RBFOX2: variants seen among roughly 807,000 people sequenced by gnomAD.
The protein encoded by RBFOX2 is RNA binding protein fox-1 homolog 2.
In RBFOX2, 10 loss-of-function variants were observed where a neutral mutation model predicts 49.1. That is an observed-to-expected ratio of 0.20 (90% CI 0.13 to 0.35). The LOEUF (loss-of-function observed/expected upper bound fraction) is 0.35, where lower values mean the gene tolerates loss of function less well. Among genes scored for constraint, RBFOX2 ranks in the 10% least tolerant of loss-of-function variants. RBFOX2 has a pLI of 1.00. For missense variants in RBFOX2, 323 were observed against 486.9 expected (o/e 0.66, Z 3.17); for synonymous variants, 183 against 187.4 (o/e 0.98, Z 0.19).
At chr22:35,918,358 A>G (rs1342294928) in intron 1 of RBFOX2, among the ~76,000 whole-genome samples, 1 of 152,192 alleles carries the variant, frequency 6.6e-6, no homozygotes, top group African/African-American at 2.4e-5. Context: ...AACAACAGTA[A>G]AGTCACCTGG....
chr22:35,764,626 T>C (rs957746292), intron 6 of RBFOX2, among the ~76,000 whole-genome samples: 7 of 151,838 alleles, frequency 4.6e-5, no homozygotes, highest in Admixed American at 1.3e-4. Context: ...CTCCCCCCTT[T>C]ATTCTAGATA....
chr22:35,948,894 C>CA (rs2054605782), intron 1 of RBFOX2, among the ~76,000 whole-genome samples: 1 of 151,946 alleles, frequency 6.6e-6, no homozygotes, highest in Non-Finnish European at 1.5e-5. Context: ...TATTGTTGTG[C>CA]AACCACCTCC....
chr22:35,781,780 C>T, intron 2 of RBFOX2, 34 bp from the exon 4 acceptor site: 1 of 1,612,924 alleles, frequency 6.2e-7, no homozygotes, highest in South Asian at 1.1e-5. Context: ...AAAATATACA[C>T]AATTACTTTA....
intron 1 of RBFOX2, among the ~76,000 whole-genome samples, chr22:35,862,994 G>A (rs1164436003): frequency 2.6e-5 from 4 of 152,018 alleles, no homozygotes; most frequent in East Asian, 3.9e-4. Flanking sequence ...TCTGAATTAC[G>A]AAGCTAAATC....
At chr22:35,744,958 T>G (rs918043515) in intron 11 of RBFOX2, among the ~76,000 whole-genome samples, 3 of 152,220 alleles carry the variant, frequency 2.0e-5, no homozygotes, top group African/African-American at 2.4e-5. Context: ...AGGACTTATA[T>G]CATTTTAGGA....
chr22:35,872,957 C>T (rs908667945), intron 1 of RBFOX2, among the ~76,000 whole-genome samples: 1 of 152,122 alleles, frequency 6.6e-6, no homozygotes, highest in Admixed American at 6.5e-5. Context: ...TTCCCTGACC[C>T]CCTCCCGTAG....
At chr22:35,798,653 T>TA (rs1167879388) in intron 2 of RBFOX2, among the ~76,000 whole-genome samples, 1 of 152,202 alleles carries the variant, frequency 6.6e-6, no homozygotes, top group Non-Finnish European at 1.5e-5. Context: ...TCAAATATAT[T>TA]AGTTTTGTTG....
chr22:35,932,662 C>T (rs2052566213), intron 1 of RBFOX2, among the ~76,000 whole-genome samples: 1 of 152,180 alleles, frequency 6.6e-6, no homozygotes, highest in Non-Finnish European at 1.5e-5. Context: ...GAGCAGATCA[C>T]CTGAGGTCAG....
At chr22:35,764,217 G>T (rs1394017309) in intron 6 of RBFOX2, among the ~76,000 whole-genome samples, 1 of 152,034 alleles carries the variant, frequency 6.6e-6, no homozygotes, top group Non-Finnish European at 1.5e-5. Flanking sequence ...TAGTCAATAC[G>T]GATACATTTC....
exon 12 of RBFOX2, chr22:35,740,486 A>C (rs1024278760): frequency 6.6e-6 from 1 of 152,506 alleles, no homozygotes; most frequent in East Asian, 1.9e-4. Flanking sequence ...AAAACAGTGC[A>C]AACAGGTAAC....
At chr22:35,850,234 A>ACACACC (rs1458238256) in intron 1 of RBFOX2, among the ~76,000 whole-genome samples, 156 of 147,690 alleles carry the variant, frequency 1.1e-3, no homozygotes, top group Middle Eastern at 7.0e-3. Context: ...ACACACACAC[A>ACACACC]CCCTTCTCAC....
chr22:35,909,009 A>AT (rs576277394), intron 1 of RBFOX2, among the ~76,000 whole-genome samples: 4 of 151,936 alleles, frequency 2.6e-5, no homozygotes. Context: ...CGCCTGGCTA[A>AT]TTTTTTGTAT....
intron 1 of RBFOX2, among the ~76,000 whole-genome samples, chr22:35,886,913 G>A (rs762168665): frequency 3.9e-5 from 6 of 152,150 alleles, no homozygotes; most frequent in African/African-American, 1.2e-4. Context: ...TATTTTTGTC[G>A]TTGTTGGGAA....
intron 1 of RBFOX2, among the ~76,000 whole-genome samples, chr22:35,921,768 A>G (rs2051050977): frequency 6.6e-6 from 1 of 152,224 alleles, no homozygotes; most frequent in Non-Finnish European, 1.5e-5. Context: ...GAATGCAGAC[A>G]CAGATCAGAC....
intron 1 of RBFOX2, among the ~76,000 whole-genome samples, chr22:35,854,501 G>A (rs1603414429): frequency 6.6e-6 from 1 of 151,802 alleles, no homozygotes; most frequent in East Asian, 1.9e-4. Context: ...GGCTGAGGTG[G>A]GAGAATCACA....
chr22:35,990,137 C>T (rs1314783452), intron 1 of RBFOX2, among the ~76,000 whole-genome samples: 1 of 152,096 alleles, frequency 6.6e-6, no homozygotes, highest in Admixed American at 6.5e-5. Context: ...GAGCAGAGAT[C>T]GTGCCACTGC....
chr22:35,918,669 C>A (rs971683507), intron 1 of RBFOX2, among the ~76,000 whole-genome samples: 1 of 152,162 alleles, frequency 6.6e-6, no homozygotes, highest in African/African-American at 2.4e-5. Context: ...TCAGCAAAGG[C>A]CTCTCCAGTT....
chr22:35,753,787 T>C (rs1470068691), intron 9 of RBFOX2, among the ~76,000 whole-genome samples: 2 of 137,634 alleles, frequency 1.5e-5, no homozygotes, highest in African/African-American at 2.7e-5. Flanking sequence ...TTTTTTTTTT[T>C]TTTTTTTTTT....
intron 2 of RBFOX2, among the ~76,000 whole-genome samples, chr22:35,792,856 G>A (rs1948028467): frequency 1.3e-5 from 2 of 152,290 alleles, no homozygotes; most frequent in South Asian, 4.2e-4. Context: ...TTATGCCATT[G>A]CATAGTATCT....
Sources: gnomAD v4.1 joint callset for allele counts (sites outside exome capture counted in the v4.1 genomes callset) on GRCh38, gnomAD v4.1.1 for gene constraint, MANE v1.5 for transcripts, NCBI Gene and HGNC (gene_info 2026-07-23, HGNC 2026-07-21) for gene names.